The following MYH16 variants were observed in gnomAD, a reference collection of about 807,000 sequenced individuals.
The protein encoded by MYH16 is putative uncharacterized protein MYH16.
chr7:99,262,895 A>G (rs988241628), intron 13 of MYH16, among the ~76,000 whole-genome samples: 1 of 152,094 alleles, frequency 6.6e-6, no homozygotes, highest in African/African-American at 2.4e-5. Flanking sequence ...CAGCAAAGAG[A>G]TTTCTTCACG....
chr7:99,294,569 T>TA (rs1792450959), intron 33 of MYH16, among the ~76,000 whole-genome samples: 1 of 146,004 alleles, frequency 6.8e-6, no homozygotes, highest in African/African-American at 2.6e-5. Flanking sequence ...ATATATATAT[T>TA]TTTTTTCTTT....
At chr7:99,277,918 A>AGG (rs1562780465) in intron 21 of MYH16, among the ~76,000 whole-genome samples, 2 of 106,532 alleles carry the variant, frequency 1.9e-5, no homozygotes, top group Admixed American at 9.0e-5. Context: ...TGTGTGTGTG[A>AGG]GAGAGAGAGA....
chr7:99,293,550 C>T (rs939859462), intron 32 of MYH16, among the ~76,000 whole-genome samples: 2 of 152,174 alleles, frequency 1.3e-5, no homozygotes, highest in Non-Finnish European at 2.9e-5. Flanking sequence ...CAGGGCCCCT[C>T]CATTCCCTGG....
At chr7:99,271,977 G>A (rs1420831496) in intron 19 of MYH16, among the ~76,000 whole-genome samples, 10 of 152,154 alleles carry the variant, frequency 6.6e-5, no homozygotes, top group East Asian at 1.9e-4. Context: ...GATTACAGGC[G>A]TGAGCCACTG....
chr7:99,248,882 T>C (rs1295439836), intron 3 of MYH16: 1 of 152,684 alleles, frequency 6.5e-6, no homozygotes, highest in Non-Finnish European at 1.5e-5. Context: ...GGCCACGATC[T>C]AAGCCGGGTG....
intron 28 of MYH16, among the ~76,000 whole-genome samples, chr7:99,286,846 C>G (rs1283938704): frequency 2.0e-5 from 3 of 151,380 alleles, no homozygotes; most frequent in Non-Finnish European, 2.9e-5. Flanking sequence ...TCAAGCTACT[C>G]AAGAGGCTAA....
intron 23 of MYH16, among the ~76,000 whole-genome samples, chr7:99,282,242 C>A (rs1792208530): frequency 6.6e-6 from 1 of 152,074 alleles, no homozygotes; most frequent in South Asian, 2.1e-4. Flanking sequence ...GCCAGGCAGG[C>A]CTCGAACTCC....
intron 3 of MYH16, among the ~76,000 whole-genome samples, chr7:99,248,368 C>T (rs1204169384): frequency 2.0e-5 from 3 of 152,198 alleles, no homozygotes; most frequent in Non-Finnish European, 4.4e-5. Flanking sequence ...TCCCAAAGTG[C>T]TGGCTTTACA....
At chr7:99,283,086 C>G (rs1276431892) in intron 23 of MYH16, among the ~76,000 whole-genome samples, 1 of 152,092 alleles carries the variant, frequency 6.6e-6, no homozygotes, top group Non-Finnish European at 1.5e-5. Flanking sequence ...CAGAAGCACC[C>G]CACCTATTTC....
At chr7:99,306,462 G>A (rs1792682142) in intron 41 of MYH16, 147 bp from the exon 23 acceptor site, 1 of 152,220 alleles carries the variant, frequency 6.6e-6, no homozygotes, top group Non-Finnish European at 1.5e-5. Flanking sequence ...AGGAGGTGGA[G>A]GTTGCAGCGA....
exon 38 of MYH16, chr7:99,301,663 C>T (rs1336744750): frequency 6.5e-6 from 1 of 153,174 alleles, no homozygotes; most frequent in Non-Finnish European, 1.5e-5. Context: ...AGCAGTACAA[C>T]CTGCAGGAGC....
chr7:99,302,408 T>A (rs1792613894), intron 38 of MYH16, among the ~76,000 whole-genome samples: 1 of 138,112 alleles, frequency 7.2e-6, no homozygotes, highest in Non-Finnish European at 1.5e-5. Context: ...CTACTAAAAA[T>A]ACAATAATTA....
intron 12 of MYH16, chr7:99,260,544 T>C (rs11769698): frequency 0.73 from 210,493 of 287,388 alleles, 83,196 homozygotes; most frequent in Non-Finnish European, 0.86. Flanking sequence ...CCACCATTCA[T>C]TGGATCATCA....
chr7:99,300,513 A>G (rs2150835903), intron 37 of MYH16, among the ~76,000 whole-genome samples: 1 of 152,316 alleles, frequency 6.6e-6, no homozygotes, highest in African/African-American at 2.4e-5. Flanking sequence ...AAGAGTGGAC[A>G]AGACAATGCT....
chr7:99,266,225 G>C (rs1791985831), intron 17 of MYH16, among the ~76,000 whole-genome samples: 2 of 152,174 alleles, frequency 1.3e-5, no homozygotes, highest in South Asian at 4.1e-4. Context: ...CCAGTTGCCT[G>C]TTGCACTAAC....
rs115829578 is a variant in MYH16, at chr7:99,243,300, A to C, written n.233A>C. On this transcript the variant is annotated non_coding_transcript_exon_variant, in exon 2 of 42. Transcript: ENST00000439784. ...CAGACACTCACTGTGAAGAAGGATG[A>C]TATCCAGCAGATGAACCCACCCAAA... 1,175 of 153,112 alleles carry C rather than the reference A, an allele frequency of 7.7e-3. 18 individuals carry two copies. The highest frequency in any genetic ancestry group is 0.027 in the African/African-American group (1,130 of 41,572). The allele number at this position is 153,112 out of a possible 1,614,324, so 9.5% of individuals were successfully genotyped here. A position where few individuals can be genotyped will look rare whatever the true frequency, so the allele number is the denominator to read the frequency against.
intron 3 of MYH16, among the ~76,000 whole-genome samples, chr7:99,248,023 G>A (rs1240084381): frequency 1.3e-5 from 2 of 152,214 alleles, no homozygotes; most frequent in South Asian, 2.1e-4. Context: ...AGGTAAGTAG[G>A]TAAGTAACTT....
In MYH16 at chr7:99,296,598, A is replaced by T. The variant is rs999871149; in HGVS notation, n.4283-103A>T. 3.3e-4 allele frequency: 132 copies of T among 405,418 alleles called. 3 individuals carry two copies. Among genetic ancestry groups the T allele is most frequent in the Middle Eastern group, 1.6e-3 (2 of 1,238 alleles). 25.1% of individuals were successfully genotyped at this position (405,418 alleles called of 1,614,324 possible). A position where few individuals can be genotyped will look rare whatever the true frequency, so the allele number is the denominator to read the frequency against. On this transcript the variant is annotated intron_variant and non_coding_transcript_variant, in intron 33 of 41. Coordinates refer to ENST00000439784, the Ensembl canonical transcript of MYH16. ...TTCCCAAGGAGTCCGTAGTCTCAAG[A>T]GTTACTGGGGAAAGGGAGGGAAGAG...
chr7:99,287,718 A>G (rs1015272597), intron 28 of MYH16, 174 bp from the exon 10 acceptor site: 2 of 356,106 alleles, frequency 5.6e-6, no homozygotes, highest in Non-Finnish European at 1.1e-5. Context: ...CAACACCTCT[A>G]AACAAATCCT....
Sources: gnomAD v4.1 joint callset for allele counts (sites outside exome capture counted in the v4.1 genomes callset) on GRCh38, gnomAD v4.1.1 for gene constraint, MANE v1.5 for transcripts, NCBI Gene and HGNC (gene_info 2026-07-23, HGNC 2026-07-21) for gene names.